The following PRELID2 variants were observed in gnomAD, a reference collection of about 807,000 sequenced individuals.
PRELID2 encodes PRELI domain containing 2.
PRELID2 carries 25 observed loss-of-function variants against 28.4 expected under a neutral mutation model. The ratio of observed to expected loss-of-function variants is 0.88; its 90% CI spans 0.64 to 1.23. The LOEUF is 1.23. Ranked by LOEUF, PRELID2 falls within the 50% of genes most tolerant of loss-of-function variation. The probability of loss-of-function intolerance (pLI) is 0.00; values close to 1 mark genes in which losing one functional copy is unlikely to be tolerated. For synonymous variants in PRELID2, 76 were observed against 71.6 expected (o/e 1.06, Z -0.31); for missense variants, 201 against 214.4 (o/e 0.94, Z 0.39).
chr5:145,383,341 C>G, the PRELID2 span, among the ~76,000 whole-genome samples: 1 of 151,108 alleles, frequency 6.6e-6, no homozygotes, highest in Non-Finnish European at 1.5e-5. Context: ...TATACACACA[C>G]ACACACATAC....
rs541911395 is a variant in PRELID2 at position 145,622,976 on chromosome 5, T to A, written n.70+141955A>T. On this transcript the variant is annotated intron_variant and non_coding_transcript_variant, in intron 1 of 2. Coordinates refer to the PRELID2 transcript ENST00000510259. ...AATAAAAGGTTAAATCACAATTTTT[T>A]AAAAAATTATATATTATTAAAATAT... Among the ~76,000 whole-genome samples, 517 of 152,092 alleles carry A rather than the reference T, an allele frequency of 3.4e-3. 1 individual carries two copies. Among genetic ancestry groups the A allele is most frequent in the Middle Eastern group, 0.01 (3 of 294 alleles).
At chr5:145,401,992 C>T in the PRELID2 span, among the ~76,000 whole-genome samples, 1 of 152,164 alleles carries the variant, frequency 6.6e-6, no homozygotes, top group African/African-American at 2.4e-5. Flanking sequence ...AAGTTATAGC[C>T]ACAACCATAG....
intron 1 of PRELID2, among the ~76,000 whole-genome samples, chr5:145,523,904 T>G (rs929312061): frequency 6.6e-6 from 1 of 152,232 alleles, no homozygotes; most frequent in Non-Finnish European, 1.5e-5. Context: ...AGTTTGCACA[T>G]GCAGATGACC....
intron 1 of PRELID2, among the ~76,000 whole-genome samples, chr5:145,694,560 G>A (rs1755217053): frequency 6.6e-6 from 1 of 152,134 alleles, no homozygotes; most frequent in Non-Finnish European, 1.5e-5. Context: ...CAAATTTATT[G>A]TATTTGAAGA....
chr5:145,755,970 A>G (rs1009650832), downstream of PRELID2, among the ~76,000 whole-genome samples: 17 of 152,222 alleles, frequency 1.1e-4, no homozygotes, highest in African/African-American at 3.9e-4. Flanking sequence ...AAACAGAAAC[A>G]AAGTACAGAA....
At chr5:145,298,232 A>G in the PRELID2 span, among the ~76,000 whole-genome samples, 5 of 152,194 alleles carry the variant, frequency 3.3e-5, no homozygotes, top group Non-Finnish European at 7.3e-5. Context: ...CTACAAGGCT[A>G]CAGTAATCAA....
chr5:145,291,408 T>A, the PRELID2 span, among the ~76,000 whole-genome samples: 19 of 148,726 alleles, frequency 1.3e-4, 1 homozygote, highest in African/African-American at 4.8e-4. Context: ...CATGTAACCC[T>A]GGAGGCAGAG....
chr5:145,569,315 T>C (rs1020394656), intron 1 of PRELID2, among the ~76,000 whole-genome samples: 4 of 152,234 alleles, frequency 2.6e-5, no homozygotes, highest in African/African-American at 9.6e-5. Context: ...CTACAGAATA[T>C]ATTCTAAACT....
At chr5:145,779,738 A>G (rs973915605) in intron 5 of PRELID2, among the ~76,000 whole-genome samples, 8 of 152,124 alleles carry the variant, frequency 5.3e-5, no homozygotes, top group African/African-American at 1.9e-4. Flanking sequence ...TCTCATACTC[A>G]TAAGATATAT....
At chr5:145,253,355 T>C in the PRELID2 span, among the ~76,000 whole-genome samples, 1 of 152,166 alleles carries the variant, frequency 6.6e-6, no homozygotes, top group Non-Finnish European at 1.5e-5. Context: ...TTATTTGATT[T>C]TCATAGTCCC....
intron 1 of PRELID2, among the ~76,000 whole-genome samples, chr5:145,644,639 C>G (rs1754166143): frequency 6.6e-6 from 1 of 152,124 alleles, no homozygotes; most frequent in African/African-American, 2.4e-5. Flanking sequence ...CCTGCTGTCT[C>G]TTGTGGGCAT....
chr5:145,440,633 A>C, the PRELID2 span, among the ~76,000 whole-genome samples: 1 of 152,076 alleles, frequency 6.6e-6, no homozygotes, highest in Non-Finnish European at 1.5e-5. Flanking sequence ...AATGGGCTTA[A>C]AACTAATTAG....
chr5:145,577,941 G>A (rs902168632), intron 1 of PRELID2, among the ~76,000 whole-genome samples: 6 of 152,058 alleles, frequency 3.9e-5, no homozygotes, highest in African/African-American at 1.4e-4. Context: ...GTTAACTATA[G>A]GACATTGAAA....
chr5:145,588,599 T>C (rs1179726347), intron 1 of PRELID2, among the ~76,000 whole-genome samples: 1 of 152,264 alleles, frequency 6.6e-6, no homozygotes, highest in East Asian at 1.9e-4. Flanking sequence ...AAGGTGGCAT[T>C]AAGATAATTG....
chr5:145,534,374 G>A (rs1752682150), intron 1 of PRELID2, among the ~76,000 whole-genome samples: 1 of 152,004 alleles, frequency 6.6e-6, no homozygotes, highest in Non-Finnish European at 1.5e-5. Flanking sequence ...TATTTTAACA[G>A]TCTTAACTAT....
At chr5:145,412,342 A>T in the PRELID2 span, among the ~76,000 whole-genome samples, 1 of 152,208 alleles carries the variant, frequency 6.6e-6, no homozygotes, top group Non-Finnish European at 1.5e-5. Context: ...TCAAGTTCAA[A>T]GTTCCACAGA....
chr5:145,340,480 C>G, the PRELID2 span, among the ~76,000 whole-genome samples: 1 of 152,098 alleles, frequency 6.6e-6, no homozygotes, highest in Admixed American at 6.6e-5. Context: ...AGGAATCAGG[C>G]TTTCAGGCTG....
the PRELID2 span, among the ~76,000 whole-genome samples, chr5:145,276,673 T>A: frequency 0.013 from 1,957 of 152,262 alleles, 34 homozygotes; most frequent in Admixed American, 0.041. Flanking sequence ...GTTGGTTCAT[T>A]AATAGCTGTG....
the PRELID2 span, among the ~76,000 whole-genome samples, chr5:145,353,305 C>A: frequency 0.3 from 44,749 of 151,424 alleles, 6,854 homozygotes; most frequent in African/African-American, 0.38. Flanking sequence ...CACACACACA[C>A]ACAAAAAATC....
Sources: gnomAD v4.1 joint callset for allele counts (sites outside exome capture counted in the v4.1 genomes callset) on GRCh38, gnomAD v4.1.1 for gene constraint, MANE v1.5 for transcripts, NCBI Gene and HGNC (gene_info 2026-07-23, HGNC 2026-07-21) for gene names.